CAP2: variants seen among roughly 807,000 people sequenced by gnomAD.
The protein encoded by CAP2 is cyclase associated actin cytoskeleton regulatory protein 2, also known as adenylyl cyclase-associated protein 2.
CAP2 carries 24 observed loss-of-function variants against 57.7 expected under a neutral mutation model. The ratio of observed to expected loss-of-function variants is 0.42; its 90% CI spans 0.30 to 0.58. The LOEUF (loss-of-function observed/expected upper bound fraction) is 0.58. Ranked by LOEUF, CAP2 falls within the 20% of genes least tolerant of loss-of-function variation. CAP2 has a pLI of 0.22. For synonymous variants in CAP2, 194 were observed against 207.2 expected (o/e 0.94, Z 0.55); for missense variants, 501 against 590.3 (o/e 0.85, Z 1.57).
At chr6:17,551,432 G>T in intron 11 of CAP2, 32 bp from the exon 12 acceptor site, 1 of 1,548,910 alleles carries the variant, frequency 6.5e-7, no homozygotes, top group Non-Finnish European at 8.8e-7. Context: ...CTGTTTCTTT[G>T]CTTTGGTCCC....
chr6:17,454,966 G>A (rs1029185132), intron 3 of CAP2, among the ~76,000 whole-genome samples: 1 of 152,150 alleles, frequency 6.6e-6, no homozygotes. Context: ...AGCCCCTTCG[G>A]ATGGTATGAG....
At chr6:17,539,586 G>A in intron 8 of CAP2, 128 bp downstream of exon 8, 1 of 713,806 alleles carries the variant, frequency 1.4e-6, no homozygotes, top group South Asian at 1.9e-5. Flanking sequence ...GGGAGAGGGG[G>A]AACTGGTGCT....
chr6:17,438,444 T>TTTTG (rs1581519029), intron 3 of CAP2, among the ~76,000 whole-genome samples: 1 of 128,102 alleles, frequency 7.8e-6, no homozygotes, highest in East Asian at 2.3e-4. Flanking sequence ...TTTTTTTTTT[T>TTTTG]TTTTTTTTTT....
intron 3 of CAP2, among the ~76,000 whole-genome samples, chr6:17,427,739 G>A (rs1046675083): frequency 1.3e-5 from 2 of 152,286 alleles, no homozygotes; most frequent in African/African-American, 4.8e-5. Context: ...GCCACGAGGT[G>A]GAAGCAACCC....
chr6:17,409,504 G>T (rs1759083640), intron 1 of CAP2, among the ~76,000 whole-genome samples: 1 of 152,112 alleles, frequency 6.6e-6, no homozygotes, highest in Admixed American at 6.5e-5. Context: ...TGAGTGCTGT[G>T]GACCATTCAG....
intron 7 of CAP2, chr6:17,530,850 G>C: frequency 1.1e-6 from 1 of 901,892 alleles, no homozygotes; most frequent in Non-Finnish European, 1.7e-6. Context: ...AGCAGGTACT[G>C]TTTATTAACT....
chr6:17,435,916 A>G (rs778090159), intron 3 of CAP2, among the ~76,000 whole-genome samples: 1 of 152,112 alleles, frequency 6.6e-6, no homozygotes, highest in East Asian at 1.9e-4. Flanking sequence ...TGTATTTTCT[A>G]TATATACAAG....
At chr6:17,466,727 C>A (rs1243554754) in intron 4 of CAP2, among the ~76,000 whole-genome samples, 3 of 152,178 alleles carry the variant, frequency 2.0e-5, no homozygotes, top group Non-Finnish European at 4.4e-5. Context: ...TCATTGCCAT[C>A]CACAATCCCA....
At chr6:17,510,254 A>G (rs906885603) in intron 6 of CAP2, among the ~76,000 whole-genome samples, 2 of 152,194 alleles carry the variant, frequency 1.3e-5, no homozygotes, top group Non-Finnish European at 2.9e-5. Context: ...CAACTGAGTG[A>G]TAACTCTGCT....
intron 3 of CAP2, among the ~76,000 whole-genome samples, chr6:17,429,004 C>G (rs1759659381): frequency 6.6e-6 from 1 of 152,124 alleles, no homozygotes; most frequent in Admixed American, 6.5e-5. Flanking sequence ...TGAAGTACCC[C>G]TTGGTGAAAG....
chr6:17,450,353 A>G (rs181846259), intron 3 of CAP2, among the ~76,000 whole-genome samples: 74 of 152,268 alleles, frequency 4.9e-4, no homozygotes, highest in African/African-American at 1.7e-3. Flanking sequence ...CCCGGCTCCA[A>G]TTCTGCCTTT....
At chr6:17,507,855 GAA>G (rs781044799) in intron 6 of CAP2, 129 bp downstream of exon 6, 8 of 544,844 alleles carry the variant, frequency 1.5e-5, no homozygotes, top group Non-Finnish European at 2.3e-5. Context: ...AACTTTAAAG[GAA>G]AATCTAATCT....
At chr6:17,480,225 C>A (rs1395318086) in intron 4 of CAP2, among the ~76,000 whole-genome samples, 4 of 152,316 alleles carry the variant, frequency 2.6e-5, no homozygotes, top group African/African-American at 9.6e-5. Context: ...ATTTCAGCCT[C>A]TGAGTCCTCT....
intron 1 of CAP2, among the ~76,000 whole-genome samples, chr6:17,410,987 A>G (rs1013432498): frequency 4.6e-5 from 7 of 152,196 alleles, no homozygotes; most frequent in African/African-American, 1.4e-4. Flanking sequence ...GTCCTAACCT[A>G]CTTTCTGTCT....
intron 11 of CAP2, among the ~76,000 whole-genome samples, chr6:17,548,876 C>T (rs1278807538): frequency 6.6e-6 from 1 of 152,152 alleles, no homozygotes; most frequent in East Asian, 1.9e-4. Flanking sequence ...TTCTACCTCA[C>T]ATCATACATA....
intron 4 of CAP2, 60 bp from the exon 5 acceptor site, chr6:17,507,109 A>C: frequency 3.0e-5 from 47 of 1,577,172 alleles, no homozygotes; most frequent in Non-Finnish European, 3.8e-5. Flanking sequence ...CAACATGGAT[A>C]GAGGTGCTAT....
At chr6:17,503,558 C>T (rs1005464384) in intron 4 of CAP2, among the ~76,000 whole-genome samples, 3 of 144,242 alleles carry the variant, frequency 2.1e-5, no homozygotes, top group Admixed American at 7.2e-5. Flanking sequence ...GAGCCAAGAT[C>T]GTGCCGGTGC....
chr6:17,482,221 C>G (rs11961858), intron 4 of CAP2, among the ~76,000 whole-genome samples: 1,967 of 152,214 alleles, frequency 0.013, 47 homozygotes, highest in African/African-American at 0.045. Context: ...TTTCATAGTT[C>G]TGGAGGTTAG....
intron 4 of CAP2, among the ~76,000 whole-genome samples, chr6:17,492,923 A>G (rs1007417924): frequency 6.6e-6 from 1 of 152,208 alleles, no homozygotes; most frequent in African/African-American, 2.4e-5. Context: ...TAGGTGCTCA[A>G]TAAATATTGT....
Sources: allele counts gnomAD v4.1 joint callset (sites outside exome capture counted in the v4.1 genomes callset), GRCh38; gene constraint gnomAD v4.1.1; transcripts MANE v1.5; gene names NCBI Gene and HGNC (gene_info 2026-07-23, HGNC 2026-07-21).